The following SLC44A3 variants were observed in gnomAD, a reference collection of about 807,000 sequenced individuals.
The protein encoded by SLC44A3 is choline transporter-like protein 3.
SLC44A3 carries 74 observed loss-of-function variants against 75.4 expected under a neutral mutation model. The observed-to-expected ratio is 0.98, with a 90% CI of 0.81 to 1.19. SLC44A3 has a LOEUF of 1.19. Among genes scored for constraint, SLC44A3 ranks in the 50% most tolerant of loss-of-function variants. The probability of loss-of-function intolerance (pLI) is 0.00; values close to 1 mark genes in which losing one functional copy is unlikely to be tolerated. For synonymous variants in SLC44A3, 310 were observed against 296.9 expected (o/e 1.04, Z -0.45); for missense variants, 700 against 778.6 (o/e 0.90, Z 1.20).
chr1:94,872,844 C>T (rs1386919879), intron 12 of SLC44A3, among the ~76,000 whole-genome samples: 1 of 152,146 alleles, frequency 6.6e-6, no homozygotes, highest in African/African-American at 2.4e-5. Context: ...TGTTTGTTTT[C>T]CTGTGGTGTT....
intron 3 of SLC44A3, chr1:94,825,912 C>T (rs921392072): frequency 4.4e-6 from 2 of 456,260 alleles, no homozygotes; most frequent in Non-Finnish European, 4.4e-6. Flanking sequence ...GTTCATAATG[C>T]AGTGTCAACA....
At chr1:94,848,994 G>A (rs1300929060) in intron 9 of SLC44A3, among the ~76,000 whole-genome samples, 2 of 152,088 alleles carry the variant, frequency 1.3e-5, no homozygotes, top group East Asian at 3.9e-4. Context: ...CCAGGCCAGT[G>A]AAGTCAGAAA....
chr1:94,822,765 C>A (rs1660791167), intron 2 of SLC44A3, among the ~76,000 whole-genome samples: 1 of 152,198 alleles, frequency 6.6e-6, no homozygotes, highest in Non-Finnish European at 1.5e-5. Flanking sequence ...CCTCAAGATT[C>A]CATTTTCCTG....
chr1:94,848,131 A>G (rs1181639706), intron 9 of SLC44A3, among the ~76,000 whole-genome samples: 1 of 151,848 alleles, frequency 6.6e-6, no homozygotes, highest in African/African-American at 2.4e-5. Flanking sequence ...CGGGAGGCTG[A>G]GGCAGGAGAA....
intron 8 of SLC44A3, chr1:94,843,632 A>G (rs1663984067): frequency 6.6e-6 from 1 of 152,248 alleles, no homozygotes; most frequent in African/African-American, 2.4e-5. Flanking sequence ...AGGGCACAGC[A>G]TGCATGAGGT....
At chr1:94,821,196 C>T in intron 2 of SLC44A3, 140 bp downstream of exon 2, 1 of 698,770 alleles carries the variant, frequency 1.4e-6, no homozygotes, top group Non-Finnish European at 2.3e-6. Context: ...AGTTTGTACT[C>T]GGGAGAATTC....
intron 12 of SLC44A3, among the ~76,000 whole-genome samples, chr1:94,877,422 G>A (rs1668412915): frequency 6.6e-6 from 1 of 152,140 alleles, no homozygotes; most frequent in Admixed American, 6.5e-5. Flanking sequence ...CCTTAACTGG[G>A]GGAATGAGCA....
intron 5 of SLC44A3, among the ~76,000 whole-genome samples, chr1:94,830,038 A>T (rs1464747051): frequency 6.6e-6 from 1 of 152,272 alleles, no homozygotes; most frequent in Non-Finnish European, 1.5e-5. Context: ...AAGCTTGAAA[A>T]ATGCTGAACT....
At chr1:94,879,655 C>T (rs1359188268) in intron 12 of SLC44A3, among the ~76,000 whole-genome samples, 8 of 150,790 alleles carry the variant, frequency 5.3e-5, no homozygotes, top group Non-Finnish European at 7.4e-5. Flanking sequence ...CTGGCTAACA[C>T]GGTGAAACCC....
intron 9 of SLC44A3, among the ~76,000 whole-genome samples, chr1:94,848,010 T>G (rs537243727): frequency 2.6e-5 from 4 of 152,058 alleles, no homozygotes; most frequent in African/African-American, 9.7e-5. Flanking sequence ...GGGCGGATCA[T>G]GAGGTCATGA....
intron 5 of SLC44A3, among the ~76,000 whole-genome samples, chr1:94,834,485 T>C (rs1419722271): frequency 6.6e-6 from 1 of 152,004 alleles, no homozygotes; most frequent in Non-Finnish European, 1.5e-5. Flanking sequence ...AAGGGATAAA[T>C]CCTTTTTTTC....
rs1282274613 is a variant in SLC44A3, at chr1:94,864,726, C to A, written c.1239-17C>A. 4.3e-6 allele frequency: 7 copies of A among 1,610,040 alleles called. No homozygotes were observed. The East Asian group carries it at 1.6e-4, about 36-fold the overall frequency. On this transcript the variant is annotated splice_polypyrimidine_tract_variant and intron_variant, in intron 10 of 14. Transcript: ENST00000271227. ...TAAAAAGTGTTTTTAAAATGCTATC[C>A]TTTTCCCTATTTCCAGAAGTAAAAA...
chr1:94,876,122 G>A (rs144347922), intron 12 of SLC44A3, among the ~76,000 whole-genome samples: 150 of 152,280 alleles, frequency 9.9e-4, no homozygotes, highest in African/African-American at 3.5e-3. Flanking sequence ...AGGCCGGGCC[G>A]GGCCGTCATC....
At chr1:94,892,237 C>T in intron 13 of SLC44A3, 44 bp from the exon 14 acceptor site, 1 of 1,555,022 alleles carries the variant, frequency 6.4e-7, no homozygotes, top group Non-Finnish European at 8.8e-7. Context: ...AACATCTAAG[C>T]AACTGATTCA....
chr1:94,826,720 T>C (rs1330818833), intron 3 of SLC44A3, among the ~76,000 whole-genome samples: 1 of 152,080 alleles, frequency 6.6e-6, no homozygotes, highest in African/African-American at 2.4e-5. Flanking sequence ...AAAATATGTA[T>C]ATCACACACC....
intron 9 of SLC44A3, among the ~76,000 whole-genome samples, chr1:94,847,468 G>A (rs1664561914): frequency 6.6e-6 from 1 of 152,130 alleles, no homozygotes; most frequent in Non-Finnish European, 1.5e-5. Flanking sequence ...TATCTGCAAG[G>A]GACACCAGGA....
At chr1:94,867,214 C>T (rs976796775) in intron 11 of SLC44A3, 117 bp from the exon 12 acceptor site, 8 of 745,778 alleles carry the variant, frequency 1.1e-5, no homozygotes, top group Admixed American at 3.1e-5. Context: ...ACTTCTCCCA[C>T]GCCACCAGTG....
In SLC44A3 at chr1:94,857,016, C is replaced by CCA. The variant is rs1665961031; in HGVS notation, c.1073-317_1073-316dup. On this transcript the variant is annotated intron_variant, in intron 9 of 14. Coordinates refer to ENST00000271227, the MANE Select transcript of SLC44A3 (RefSeq NM_001114106.3). Reference sequence around the variant, plus strand: ...AAAGTGCTGGGATTACAGGCATGAGCCACCACACCCAGCCTACTTGCCTCT... The same window carrying CCA: ...AAAGTGCTGGGATTACAGGCATGAGCCACACCACACCCAGCCTACTTGCCTCT... 6.6e-5 allele frequency among the ~76,000 whole-genome samples: 10 copies of CCA among 152,254 alleles called. No homozygotes were observed. In the South Asian group the frequency reaches 2.1e-3, roughly 32 times the overall value.
chr1:94,840,726 C>T (rs1663513830), intron 7 of SLC44A3, among the ~76,000 whole-genome samples: 1 of 152,246 alleles, frequency 6.6e-6, no homozygotes, highest in Non-Finnish European at 1.5e-5. Context: ...TGAATGCGCA[C>T]CTCACCCATT....
Sources: allele counts gnomAD v4.1 joint callset (sites outside exome capture counted in the v4.1 genomes callset), GRCh38; gene constraint gnomAD v4.1.1; transcripts MANE v1.5; gene names NCBI Gene and HGNC (gene_info 2026-07-23, HGNC 2026-07-21).